MCF2L2: variants seen among roughly 807,000 people sequenced by gnomAD.
MCF2L2 encodes probable guanine nucleotide exchange factor MCF2L2.
A neutral mutation model predicts 150.2 loss-of-function variants in MCF2L2; 102 were observed. That is an observed-to-expected ratio of 0.68 (90% CI 0.58 to 0.80). The LOEUF (loss-of-function observed/expected upper bound fraction) is 0.80. Among genes scored for constraint, MCF2L2 ranks in the 30% least tolerant of loss-of-function variants. The pLI is 0.00. For missense variants in MCF2L2, 1,256 were observed against 1,372.8 expected, an observed-to-expected ratio of 0.91 and a Z score of 1.34; for synonymous variants, 465 against 491.3, an observed-to-expected ratio of 0.95 and a Z score of 0.71.
At chr3:183,349,863 C>T (rs1731044216) in intron 3 of MCF2L2, among the ~76,000 whole-genome samples, 1 of 147,842 alleles carries the variant, frequency 6.8e-6, no homozygotes, top group Non-Finnish European at 1.5e-5. Context: ...GTATATTTTG[C>T]TGCTCCTTTT....
intron 3 of MCF2L2, among the ~76,000 whole-genome samples, chr3:183,349,077 TA>T (rs1180879217): frequency 6.6e-6 from 1 of 152,220 alleles, no homozygotes; most frequent in Non-Finnish European, 1.5e-5. Flanking sequence ...GTCTGGGTCA[TA>T]AAGCAAGTAT....
At chr3:183,278,744 G>A (rs949937405) in intron 14 of MCF2L2, among the ~76,000 whole-genome samples, 7 of 152,102 alleles carry the variant, frequency 4.6e-5, no homozygotes, top group African/African-American at 1.4e-4. Flanking sequence ...TATGCAGGGT[G>A]GATCATAGAG....
rs149750553 is a variant in MCF2L2 at position 183,309,795 on chromosome 3, T to C, written c.1034A>G (p.Glu345Gly). 2.0e-5 allele frequency: 33 copies of C among 1,613,956 alleles called. No homozygotes were observed. The African/African-American group carries it at 4.0e-4, about 20-fold the overall frequency. ...ALDNLLEEQA[E>G]FTGIGDSVMH... The stretch of plus-strand genomic sequence containing the variant: ...CACGCTGTCTCCAATGCCTGTAAAC[T>C]CTGCTTGCTCTTCCAGCAAATTATC... Residue 345 changes from glutamate to glycine, a missense_variant, in exon 10 of 30, where the codon GAG (glutamate) becomes GGG (glycine). By Grantham distance (98) the Glu-to-Gly change is moderately conservative. Coordinates refer to ENST00000328913, the MANE Select transcript of MCF2L2 (RefSeq NM_015078.4).
chr3:183,179,858 C>G lies in MCF2L2; in HGVS notation c.3106-166G>C, dbSNP rs1457731928. Among the ~76,000 whole-genome samples the G allele has an allele frequency of 1.3e-5, 2 of 152,140 alleles. No individual in the cohort carries two copies. The highest frequency in any genetic ancestry group is 2.9e-5 in the Non-Finnish European group (2 of 68,030). On this transcript the variant is annotated intron_variant, in intron 28 of 29. Transcript: ENST00000328913. This position sits in a 1 kb window ranked among gnomAD's most constrained non-coding sequence, Gnocchi z 4.2. ...CAGTTATGACCGGACACCAGCGCAC[C>G]GCCAAGGAGACAGCCACGTGGGGAC... is the stretch of plus-strand genomic sequence containing the variant.
At chr3:183,409,551 C>CTTT (rs11336262) in intron 1 of MCF2L2, among the ~76,000 whole-genome samples, 8 of 121,750 alleles carry the variant, frequency 6.6e-5, no homozygotes, top group Admixed American at 2.6e-4. Context: ...GCTAAAATTT[C>CTTT]TTTTTTTTTT....
At chr3:183,221,848 C>T (rs1723160771) in intron 20 of MCF2L2, among the ~76,000 whole-genome samples, 1 of 152,118 alleles carries the variant, frequency 6.6e-6, no homozygotes, top group Non-Finnish European at 1.5e-5. Context: ...CTGTGCCAAG[C>T]CCTCCGCATG....
chr3:183,334,919 A>G lies in MCF2L2; in HGVS notation c.486+3881T>C, dbSNP rs959933877. 2.0e-5 allele frequency among the ~76,000 whole-genome samples: 3 copies of G among 152,248 alleles called. No individual in the cohort carries two copies. In the South Asian group the frequency reaches 6.2e-4, roughly 32 times the overall value. On this transcript the variant is annotated intron_variant, in intron 5 of 29. Coordinates refer to ENST00000328913, the MANE Select transcript of MCF2L2 (RefSeq NM_015078.4). ...CAGGAGTTTGAGACCAGTCTGGGCA[A>G]CATGGTGAAACTCCATTTCTACAAA...
At position 183,272,763 on chromosome 3, in the gene MCF2L2, G is replaced by A. The variant is rs922212471; in HGVS notation, c.1862+4109C>T. 4.6e-6 allele frequency: 5 copies of A among 1,089,352 alleles called. No homozygotes were observed. In the African/African-American group the frequency reaches 5.0e-5, roughly 11 times the overall value. The allele number at this position is 1,089,352 out of a possible 1,614,324, so 67.5% of individuals were successfully genotyped here. On this transcript the variant is annotated intron_variant, in intron 15 of 29. Coordinates refer to ENST00000328913, the MANE Select transcript of MCF2L2 (RefSeq NM_015078.4). ...TTTTATTAGTTGATTGATTAATGAT[G>A]TATTGCCTTTTGCCCATATATACCC...
At chr3:183,302,065 G>A (rs768675292) in intron 10 of MCF2L2, among the ~76,000 whole-genome samples, 5 of 152,050 alleles carry the variant, frequency 3.3e-5, no homozygotes, top group Non-Finnish European at 4.4e-5. Context: ...AAAACCTCTG[G>A]GCATTGAGTC....
intron 1 of MCF2L2, among the ~76,000 whole-genome samples, chr3:183,409,179 AC>A (rs553127576): frequency 6.6e-6 from 1 of 152,256 alleles, no homozygotes; most frequent in Non-Finnish European, 1.5e-5. Flanking sequence ...TAATAAGCCA[AC>A]TTTTCGAGTG....
At chr3:183,405,556 T>C (rs1715001990) in intron 1 of MCF2L2, among the ~76,000 whole-genome samples, 1 of 152,224 alleles carries the variant, frequency 6.6e-6, no homozygotes, top group African/African-American at 2.4e-5. Flanking sequence ...AAGATTAGTA[T>C]GTACCTTTTG....
At chr3:183,361,532 C>T (rs1183449510) in intron 3 of MCF2L2, among the ~76,000 whole-genome samples, 1 of 152,150 alleles carries the variant, frequency 6.6e-6, no homozygotes, top group African/African-American at 2.4e-5. Flanking sequence ...TCTCTCCTGC[C>T]GCCATGGTAA....
Position 183,180,058 on chromosome 3 carries a change from G to C in MCF2L2, c.3105+13C>G. 1.2e-6 allele frequency: 2 copies of C among 1,602,816 alleles called. No homozygotes were observed. The highest frequency in any genetic ancestry group is 1.7e-6 in the Non-Finnish European group (2 of 1,169,896). ...AGGGAAGAAGATGAAAGAAACAAAAGGGAAGTAATTACACTCAGAGCACTG... is the reference window on the plus strand; with the variant it reads ...AGGGAAGAAGATGAAAGAAACAAAACGGAAGTAATTACACTCAGAGCACTG... On this transcript the variant is annotated intron_variant, in intron 28 of 29. Transcript: ENST00000328913.
At chr3:183,407,545 C>T (rs988351569) in intron 1 of MCF2L2, among the ~76,000 whole-genome samples, 1 of 152,164 alleles carries the variant, frequency 6.6e-6, no homozygotes, top group African/African-American at 2.4e-5. Context: ...AATGCTCATT[C>T]TCCTCCCTCT....
chr3:183,311,655 T>C lies in MCF2L2; in HGVS notation c.871A>G (p.Met291Val), dbSNP rs759861475. 5.6e-6 allele frequency: 9 copies of C among 1,613,930 alleles called. No homozygotes were observed. Among genetic ancestry groups the C allele is most frequent in the African/African-American group, 1.3e-5 (1 of 74,902 alleles). Residue 291 changes from methionine (M) to valine (V), a missense_variant, in exon 8 of 30, where the codon ATG becomes GTG. Coordinates refer to ENST00000328913, the MANE Select transcript of MCF2L2 (RefSeq NM_015078.4). ...TCCACTTCACTCACTCACCTTTCCA[T>C]GGTAGTTACATTCTCAAGTTGGTTG... ...NLNQLENVTTMERLLVQLDET... is the reference protein window; with the variant it reads ...NLNQLENVTTVERLLVQLDET...
At chr3:183,206,832 C>T (rs1324970420) in intron 23 of MCF2L2, among the ~76,000 whole-genome samples, 1 of 151,752 alleles carries the variant, frequency 6.6e-6, no homozygotes, top group Non-Finnish European at 1.5e-5. Context: ...CATGCCATTG[C>T]ACTCCAGCCT....
At chr3:183,359,190 C>A (rs1304410846) in intron 3 of MCF2L2, among the ~76,000 whole-genome samples, 1 of 152,110 alleles carries the variant, frequency 6.6e-6, no homozygotes, top group Non-Finnish European at 1.5e-5. Flanking sequence ...GATGAGACAG[C>A]CCTTACAGGA....
rs560056118 is a variant in MCF2L2, at chr3:183,301,495, T to C, written c.1114-1299A>G. Among the ~76,000 whole-genome samples, 399 of 152,162 alleles carry C rather than the reference T, an allele frequency of 2.6e-3. 1 individual carries two copies. The highest frequency in any genetic ancestry group is 9.2e-3 in the African/African-American group (383 of 41,520). ...CAAGCTATGCAGAAAAGACTTCACA[T>C]AGAAAGCCTGAGACTAGGCCGGGCT... On this transcript the variant is annotated intron_variant, in intron 10 of 29. Transcript: ENST00000328913.
At chr3:183,427,783 C>T (rs2108640136) in intron 1 of MCF2L2, 119 bp downstream of exon 1, 1 of 857,648 alleles carries the variant, frequency 1.2e-6, no homozygotes, top group Middle Eastern at 3.3e-4. Context: ...AGATGCCGGG[C>T]AACCCCCCAG....
Sources: gnomAD v4.1 joint callset for allele counts (sites outside exome capture counted in the v4.1 genomes callset) on GRCh38, gnomAD v4.1.1 for gene constraint, Gnocchi (gnomAD v3.1) non-coding constraint, MANE v1.5 for transcripts, NCBI Gene and HGNC (gene_info 2026-07-23, HGNC 2026-07-21) for gene names.